Variants in NCKAP5 observed in about 807,000 individuals in gnomAD.
NCKAP5 encodes NCK associated protein 5.
In NCKAP5, 92 loss-of-function variants were observed where a neutral mutation model predicts 167.0. That is an observed-to-expected ratio of 0.55 (90% confidence interval 0.47 to 0.66). The LOEUF (loss-of-function observed/expected upper bound fraction) is 0.66, where lower values mean the gene tolerates loss of function less well. Ranked by LOEUF, NCKAP5 falls within the 30% of genes least tolerant of loss-of-function variation. The pLI is 0.00. For missense variants in NCKAP5, 2,378 were observed against 2,315.0 expected, an observed-to-expected ratio of 1.03 and a Z score of -0.56; for synonymous variants, 891 against 877.4, an observed-to-expected ratio of 1.02 and a Z score of -0.27.
chr2:133,491,890 G>T (rs987160026), intron 3 of NCKAP5, among the ~76,000 whole-genome samples: 6 of 152,230 alleles, frequency 3.9e-5, no homozygotes, highest in Admixed American at 3.3e-4. Context: ...GTTGACAGAA[G>T]CTTGTGAAAA....
At chr2:133,660,291 TC>T in the NCKAP5 span, among the ~76,000 whole-genome samples, 4 of 152,216 alleles carry the variant, frequency 2.6e-5, no homozygotes, top group Non-Finnish European at 5.9e-5. Flanking sequence ...CTATTTTTTT[TC>T]CTATTGCTTA....
intron 19 of NCKAP5, among the ~76,000 whole-genome samples, chr2:132,705,490 A>T (rs1196119459): frequency 6.6e-6 from 1 of 152,082 alleles, no homozygotes; most frequent in African/African-American, 2.4e-5. Context: ...ATGTGACTTG[A>T]CCTATCAGTG....
intron 6 of NCKAP5, among the ~76,000 whole-genome samples, chr2:133,023,863 C>T (rs779237686): frequency 8.5e-5 from 13 of 152,066 alleles, no homozygotes; most frequent in Admixed American, 1.3e-4. Context: ...TGGGTAGCTA[C>T]GTTGATTTCA....
chr2:133,619,893 A>G, the NCKAP5 span, among the ~76,000 whole-genome samples: 1 of 152,150 alleles, frequency 6.6e-6, no homozygotes, highest in Non-Finnish European at 1.5e-5. Flanking sequence ...CTATCATATT[A>G]ACAGCAGATT....
chr2:133,375,024 G>T (rs114059574), intron 3 of NCKAP5, among the ~76,000 whole-genome samples: 1 of 152,096 alleles, frequency 6.6e-6, no homozygotes, highest in Admixed American at 6.6e-5. Context: ...CTGTCCCTGC[G>T]CTTTTCTTAC....
At chr2:133,572,214 T>C (rs1262855434), upstream of NCKAP5, among the ~76,000 whole-genome samples, 3 of 152,226 alleles carry the variant, frequency 2.0e-5, no homozygotes, top group Admixed American at 6.5e-5. Context: ...AAGAGGAAGT[T>C]AGTAAACTAA....
chr2:133,251,976 C>T (rs147513303), intron 4 of NCKAP5, among the ~76,000 whole-genome samples: 4 of 152,042 alleles, frequency 2.6e-5, no homozygotes, highest in African/African-American at 9.6e-5. Context: ...TAATGTTTGG[C>T]CACAGTCATA....
At chr2:133,118,472 T>C (rs2082151019) in intron 6 of NCKAP5, 1 of 152,220 alleles carries the variant, frequency 6.6e-6, no homozygotes, top group African/African-American at 2.4e-5. Flanking sequence ...AAACGGTAGA[T>C]TCAAACAGCA....
At chr2:133,643,498 A>T in the NCKAP5 span, among the ~76,000 whole-genome samples, 1 of 152,086 alleles carries the variant, frequency 6.6e-6, no homozygotes, top group East Asian at 1.9e-4. Context: ...TAGCCCCTTC[A>T]TCTGTTTGAC....
intron 6 of NCKAP5, among the ~76,000 whole-genome samples, chr2:133,035,273 T>C (rs1258576569): frequency 1.3e-5 from 2 of 152,018 alleles, no homozygotes; most frequent in Non-Finnish European, 1.5e-5. Context: ...GGAAATATTA[T>C]TGCAGCTAAA....
chr2:133,002,632 G>A (rs758045615), intron 6 of NCKAP5, among the ~76,000 whole-genome samples: 55 of 152,086 alleles, frequency 3.6e-4, no homozygotes, highest in Non-Finnish European at 6.0e-4. Flanking sequence ...CAATTCCACC[G>A]AAATGCCACA....
In NCKAP5 at chr2:132,702,261, A is replaced by ATTC. The variant is rs559377401; in HGVS notation, c.5713+23365_5713+23366insGAA. ...GAGCTCCCGTCCACTGTCACTTTGG[A>ATTC]AAGGTTTGTGATGAGCAACATCAGA... On this transcript the variant is annotated intron_variant, in intron 19 of 19. Coordinates refer to ENST00000409261, the MANE Select transcript of NCKAP5 (RefSeq NM_207363.3). 2.3e-3 allele frequency among the ~76,000 whole-genome samples: 357 copies of ATTC among 152,220 alleles called. 1 individual carries two copies. The highest frequency in any genetic ancestry group is 8.2e-3 in the African/African-American group (341 of 41,544).
At chr2:133,290,433 AT>A (rs1415763628) in intron 4 of NCKAP5, among the ~76,000 whole-genome samples, 1 of 152,222 alleles carries the variant, frequency 6.6e-6, no homozygotes, top group African/African-American at 2.4e-5. Flanking sequence ...AGATACAAAT[AT>A]ACATTTGATT....
At chr2:132,709,432 C>T (rs114904344) in intron 19 of NCKAP5, among the ~76,000 whole-genome samples, 2 of 151,614 alleles carry the variant, frequency 1.3e-5, no homozygotes, top group African/African-American at 4.8e-5. Flanking sequence ...CTGGAAAAGA[C>T]AAAATTGGCA....
chr2:133,565,819 G>C (rs1467431366), intron 1 of NCKAP5, among the ~76,000 whole-genome samples: 1 of 152,172 alleles, frequency 6.6e-6, no homozygotes, highest in Non-Finnish European at 1.5e-5. Context: ...CTGAGGCTTG[G>C]GTGTTTGCAA....
chr2:133,346,910 G>A (rs2150794849), intron 3 of NCKAP5, among the ~76,000 whole-genome samples: 1 of 152,328 alleles, frequency 6.6e-6, no homozygotes, highest in South Asian at 2.1e-4. Flanking sequence ...GAATTTCTGT[G>A]AGCTCTGACA....
chr2:133,366,697 T>G (rs1227274546), intron 3 of NCKAP5, among the ~76,000 whole-genome samples: 1 of 152,104 alleles, frequency 6.6e-6, no homozygotes, highest in African/African-American at 2.4e-5. Context: ...GCCAGAAAAA[T>G]TATACACAGT....
intron 19 of NCKAP5, among the ~76,000 whole-genome samples, chr2:132,714,554 A>G (rs1330632837): frequency 1.3e-5 from 2 of 152,164 alleles, no homozygotes; most frequent in Non-Finnish European, 1.5e-5. Flanking sequence ...ACAGTGGCTC[A>G]TGCCTGTAAT....
At chr2:133,079,494 T>C (rs981522911) in intron 6 of NCKAP5, among the ~76,000 whole-genome samples, 16 of 152,198 alleles carry the variant, frequency 1.1e-4, no homozygotes, top group Non-Finnish European at 1.6e-4. Context: ...AAGAAGATTT[T>C]CTATTTTTGC....
Sources: allele counts gnomAD v4.1 joint callset (sites outside exome capture counted in the v4.1 genomes callset), GRCh38; gene constraint gnomAD v4.1.1; transcripts MANE v1.5; gene names NCBI Gene and HGNC (gene_info 2026-07-23, HGNC 2026-07-21).